SLC30A5: variants seen among roughly 807,000 people sequenced by gnomAD.
SLC30A5 encodes the protein solute carrier family 30 member 5, also known as proton-coupled zinc antiporter SLC30A5.
Under a neutral mutation model 79.6 loss-of-function variants are expected in SLC30A5, and 33 were observed. That is an observed-to-expected ratio of 0.41 (90% CI 0.31 to 0.55). The LOEUF (loss-of-function observed/expected upper bound fraction) is 0.55. SLC30A5 is among the 20% of genes least tolerant of loss of function. The probability of loss-of-function intolerance (pLI) is 0.20; values close to 1 mark genes in which losing one functional copy is unlikely to be tolerated. For missense variants in SLC30A5, 788 were observed against 928.1 expected (o/e 0.85, Z 1.96); for synonymous variants, 299 against 319.7 (o/e 0.94, Z 0.69).
At chr5:69,126,769 T>TA (rs909754364) in intron 14 of SLC30A5, among the ~76,000 whole-genome samples, 2 of 149,174 alleles carry the variant, frequency 1.3e-5, no homozygotes, top group African/African-American at 5.0e-5. Flanking sequence ...GACTCTGTCT[T>TA]AAAAAAACAA....
At chr5:69,105,895 T>C (rs137982893) in intron 4 of SLC30A5, among the ~76,000 whole-genome samples, 52 of 152,270 alleles carry the variant, frequency 3.4e-4, no homozygotes, top group African/African-American at 1.2e-3. Context: ...ATGCTCCTTA[T>C]GAGAATCTAA....
Position 69,130,697 on chromosome 5 carries a change from T to C in SLC30A5, c.*1080T>C, listed in dbSNP as rs148053228. On this transcript the variant is annotated 3_prime_UTR_variant, in exon 16 of 16. Coordinates refer to ENST00000396591, the MANE Select transcript of SLC30A5 (RefSeq NM_022902.5). ...TCATATCTAATTTATATTTTTTTCA[T>C]TTCCAGTTGTAACTAGATATGTAGT... 222 of 152,290 alleles carry C rather than the reference T, an allele frequency of 1.5e-3. 2 individuals carry two copies. Among genetic ancestry groups the C allele is most frequent in the African/African-American group, 5.0e-3 (207 of 41,576 alleles). The allele number at this position is 152,290 out of a possible 1,614,324, so 9.4% of individuals were successfully genotyped here. A position where few individuals can be genotyped will look rare whatever the true frequency, so the allele number is the denominator to read the frequency against.
chr5:69,119,697 T>A (rs565680198), intron 12 of SLC30A5, among the ~76,000 whole-genome samples: 10 of 152,160 alleles, frequency 6.6e-5, no homozygotes, highest in African/African-American at 1.2e-4. Flanking sequence ...CTATTTATCA[T>A]ACATAAACAT....
In SLC30A5 at chr5:69,099,000, T is replaced by A. The variant is rs115245977; in HGVS notation, c.84-1807T>A. Among the ~76,000 whole-genome samples the A allele has an allele frequency of 1.6e-3, 250 of 152,358 alleles. 1 individual carries two copies. Among genetic ancestry groups the A allele is most frequent in the African/African-American group, 5.8e-3 (241 of 41,584 alleles). ...TATAACTAGTATTTGATTTTTGGTC[T>A]GTATAAAGTAAAACTCTTGCAACCT... On this transcript the variant is annotated intron_variant, in intron 1 of 15. Coordinates refer to ENST00000396591, the MANE Select transcript of SLC30A5 (RefSeq NM_022902.5).
intron 15 of SLC30A5, among the ~76,000 whole-genome samples, chr5:69,128,338 G>A (rs573722464): frequency 1.4e-5 from 2 of 140,882 alleles, no homozygotes; most frequent in East Asian, 2.2e-4. Context: ...TGCAACCTCC[G>A]CCTCCTGGGT....
chr5:69,106,587 T>C (rs1746084956), intron 4 of SLC30A5, among the ~76,000 whole-genome samples: 2 of 152,146 alleles, frequency 1.3e-5, no homozygotes, highest in Non-Finnish European at 1.5e-5. Flanking sequence ...GGTGGGCAGA[T>C]AGCTTGAGCC....
chr5:69,096,970 T>C (rs1372504064), intron 1 of SLC30A5, among the ~76,000 whole-genome samples: 1 of 136,724 alleles, frequency 7.3e-6, no homozygotes. Context: ...GCCTTTCCCC[T>C]CCAAAAAAAA....
Position 69,130,131 on chromosome 5 carries a change from A to G in SLC30A5, c.*514A>G, listed in dbSNP as rs950806345. 20 of 152,292 alleles carry G rather than the reference A, an allele frequency of 1.3e-4. No individual in the cohort carries two copies. Among genetic ancestry groups the G allele is most frequent in the African/African-American group, 4.3e-4 (18 of 41,566 alleles). 9.4% of individuals were successfully genotyped at this position (152,292 alleles called of 1,614,324 possible). ...ATCTGTATTGCCACTTTAAATGTAA[A>G]CTAAATTATTTGGGAGAAACTTCAA... is the stretch of plus-strand genomic sequence containing the variant. On this transcript the variant is annotated 3_prime_UTR_variant, in exon 16 of 16. Transcript: ENST00000396591.
intron 14 of SLC30A5, among the ~76,000 whole-genome samples, chr5:69,127,276 G>A (rs1357947418): frequency 1.3e-5 from 2 of 152,078 alleles, no homozygotes; most frequent in Non-Finnish European, 2.9e-5. Context: ...AGGCAGAGTT[G>A]TGCTGTATCA....
At chr5:69,097,996 G>A (rs984663493) in intron 1 of SLC30A5, among the ~76,000 whole-genome samples, 4 of 152,132 alleles carry the variant, frequency 2.6e-5, no homozygotes, top group African/African-American at 9.7e-5. Flanking sequence ...CGGGAGAGGA[G>A]AGGAGAGGGA....
chr5:69,104,035 T>G, intron 3 of SLC30A5: 1 of 1,566,012 alleles, frequency 6.4e-7, no homozygotes, highest in Non-Finnish European at 8.7e-7. Flanking sequence ...AGGAAACTAG[T>G]GGGAAACTGA....
chr5:69,102,977 G>C, intron 2 of SLC30A5, 85 bp from the exon 3 acceptor site: 1 of 598,046 alleles, frequency 1.7e-6, no homozygotes, highest in Admixed American at 2.9e-5. Context: ...TGGCATATTT[G>C]TTTAAAATAA....
chr5:69,110,313 A>C (rs77862509), intron 5 of SLC30A5, among the ~76,000 whole-genome samples: 4,178 of 152,274 alleles, frequency 0.027, 179 homozygotes, highest in African/African-American at 0.094. Flanking sequence ...TTTCCTAGAC[A>C]TAAAGGAAAG....
At chr5:69,113,696 TC>T (rs1192311678) in intron 6 of SLC30A5, among the ~76,000 whole-genome samples, 2 of 152,200 alleles carry the variant, frequency 1.3e-5, no homozygotes, top group Non-Finnish European at 2.9e-5. Flanking sequence ...AACCCAACTT[TC>T]TAGTCAAATA....
At chr5:69,128,785 G>A (rs1226232859) in intron 15 of SLC30A5, among the ~76,000 whole-genome samples, 1 of 152,032 alleles carries the variant, frequency 6.6e-6, no homozygotes, top group Non-Finnish European at 1.5e-5. Context: ...ACTTGGCAGG[G>A]TATATGCTAT....
chr5:69,121,590 C>A, intron 12 of SLC30A5, 104 bp from the exon 13 acceptor site: 1 of 829,940 alleles, frequency 1.2e-6, no homozygotes. Context: ...TGAATACTTT[C>A]AAAACTGTAA....
At position 69,117,251 on chromosome 5, in the gene SLC30A5, G is replaced by T; in HGVS notation, c.1294G>T (p.Val432Leu). 2 of 1,608,182 alleles carry T rather than the reference G, an allele frequency of 1.2e-6. No individual in the cohort carries two copies. Among genetic ancestry groups the T allele is most frequent in the Admixed American group, 1.7e-5 (1 of 59,638 alleles). ...FLCLNLLFTF[V>L]ELFYGVLTNS... The stretch of plus-strand genomic sequence containing the variant: ...GTGACATTTTTAGCTTTTTACCTTT[G>T]TGGAATTATTCTATGGCGTGCTGAC... The change falls in exon 11 of 16, where the codon GTG (valine) becomes TTG (leucine). Residue 432 changes from valine (V) to leucine (L), a missense_variant. By Grantham distance (32) the Val-to-Leu change is conservative. This residue lies in a region of SLC30A5 where 626 missense variants were observed against 755.5 expected (regional missense o/e 0.83). Coordinates refer to ENST00000396591, the MANE Select transcript of SLC30A5 (RefSeq NM_022902.5).
Position 69,116,119 on chromosome 5 carries a change from AC to A in SLC30A5, c.979del (p.Gln327SerfsTer5). On this transcript the variant is annotated frameshift_variant, in exon 9 of 16. Transcript: ENST00000396591. LOFTEE classifies it high-confidence loss of function. This position sits in a 1 kb window ranked among gnomAD's most constrained non-coding sequence, Gnocchi z 4.0. ...AATTTTTGGACACATCCAATAACAGACCAGCTTCGGGCTATGAACAAAGCAG... is the reference window on the plus strand; with the variant it reads ...AATTTTTGGACACATCCAATAACAGACAGCTTCGGGCTATGAACAAAGCAG... ...FGNFWTHPITDQLRAMNKAAH... is the reference protein window; with the variant it reads ...FGNFWTHPITXQLRAMNKAAH... The A allele has an allele frequency of 5.6e-6, 9 of 1,614,180 alleles. No homozygotes were observed. The highest frequency in any genetic ancestry group is 7.6e-6 in the Non-Finnish European group (9 of 1,180,038).
chr5:69,101,045 T>C (rs746280824), intron 2 of SLC30A5, 116 bp downstream of exon 2: 57 of 1,039,046 alleles, frequency 5.5e-5, no homozygotes, highest in Non-Finnish European at 6.9e-5. Context: ...TCCTGACAAG[T>C]ATTTGATAAA....
Sources: gnomAD v4.1 joint callset for allele counts (sites outside exome capture counted in the v4.1 genomes callset) on GRCh38, gnomAD v4.1.1 for gene constraint, gnomAD v4.1.1 regional missense constraint, Gnocchi (gnomAD v3.1) non-coding constraint, MANE v1.5 for transcripts, NCBI Gene and HGNC (gene_info 2026-07-23, HGNC 2026-07-21) for gene names.